Variants in EIF3B observed in about 807,000 individuals in gnomAD.
EIF3B encodes eukaryotic translation initiation factor 3 subunit B.
Under a neutral mutation model 104.6 loss-of-function variants are expected in EIF3B, and 10 were observed. The ratio of observed to expected loss-of-function variants is 0.10; its 90% CI spans 0.06 to 0.16. The LOEUF is 0.16. EIF3B is among the 10% of genes least tolerant of loss of function. The probability of loss-of-function intolerance (pLI) is 1.00; values close to 1 mark genes in which losing one functional copy is unlikely to be tolerated. For missense variants in EIF3B, 1,014 were observed against 1,087.9 expected, an observed-to-expected ratio of 0.93 and a Z score of 0.96; for synonymous variants, 542 against 417.2, an observed-to-expected ratio of 1.30 and a Z score of -3.65.
At chr7:2,377,500 T>A (rs59306423) in intron 15 of EIF3B, among the ~76,000 whole-genome samples, 4,373 of 121,208 alleles carry the variant, frequency 0.036, 95 homozygotes, top group Middle Eastern at 0.074. Flanking sequence ...GCTCCTGGGA[T>A]GCTGTGTTGT....
chr7:2,358,886 A>G (rs1779594442), intron 1 of EIF3B, among the ~76,000 whole-genome samples: 1 of 152,196 alleles, frequency 6.6e-6, no homozygotes, highest in Admixed American at 6.5e-5. Context: ...ATTTCATCAC[A>G]TCAAGAACAG....
chr7:2,369,467 T>G lies in EIF3B; in HGVS notation c.1404-5T>G. The G allele has an allele frequency of 6.2e-7, 1 of 1,614,134 alleles. No individual in the cohort carries two copies. Among genetic ancestry groups the G allele is most frequent in the Non-Finnish European group, 8.5e-7 (1 of 1,179,948 alleles). On this transcript the variant is annotated splice_region_variant and splice_polypyrimidine_tract_variant and intron_variant, in intron 9 of 18. Transcript: ENST00000360876. ...GCTTTAACATTTTATTTTCCTGTTC[T>G]GCAGAGACTTTTCTTGGTCTCCTGG...
intron 18 of EIF3B, 25 bp downstream of exon 18, chr7:2,379,536 G>A (rs772767659): frequency 5.5e-6 from 8 of 1,450,760 alleles, no homozygotes; most frequent in Non-Finnish European, 7.6e-6. Flanking sequence ...GGGGCGCGAT[G>A]GGGGTCCTGT....
chr7:2,377,194 C>T (rs1172200338), intron 15 of EIF3B, 119 bp downstream of exon 15: 22 of 1,336,384 alleles, frequency 1.6e-5, no homozygotes, highest in Non-Finnish European at 2.2e-5. Flanking sequence ...GTGACATTTG[C>T]AAGGATTCTT....
At chr7:2,358,409 T>C (rs896531574) in intron 1 of EIF3B, among the ~76,000 whole-genome samples, 2 of 151,822 alleles carry the variant, frequency 1.3e-5, no homozygotes, top group Non-Finnish European at 2.9e-5. Flanking sequence ...CGAAAGTGTT[T>C]TTTTGAGACG....
Position 2,380,539 on chromosome 7 carries a change from C to G in EIF3B, c.*350C>G, listed in dbSNP as rs1017012787. 4.9e-6 allele frequency: 2 copies of G among 408,236 alleles called. No homozygotes were observed. Among genetic ancestry groups the G allele is most frequent in the Admixed American group, 5.8e-5 (2 of 34,340 alleles). The allele number at this position is 408,236 out of a possible 1,614,324, so 25.3% of individuals were successfully genotyped here. A position where few individuals can be genotyped will look rare whatever the true frequency, so the allele number is the denominator to read the frequency against. ...GCGACGCCACTGGCGGCACCTTCTC[C>G]TGCGCCCAGTGATGTTTCCACGGTG... On this transcript the variant is annotated 3_prime_UTR_variant, in exon 19 of 19. Transcript: ENST00000360876.
upstream of EIF3B, among the ~76,000 whole-genome samples, chr7:2,354,522 A>C (rs1422507097): frequency 1.3e-5 from 2 of 152,144 alleles, no homozygotes; most frequent in Admixed American, 6.5e-5. Flanking sequence ...CCCCGCCTTC[A>C]GCTCCACAAA....
chr7:2,361,544 C>A (rs1407519951), intron 2 of EIF3B, among the ~76,000 whole-genome samples: 2 of 151,980 alleles, frequency 1.3e-5, no homozygotes, highest in Non-Finnish European at 2.9e-5. Context: ...CTCAGCCTCC[C>A]TAGTAGCTGG....
At chr7:2,361,756 A>C (rs771614225) in intron 2 of EIF3B, among the ~76,000 whole-genome samples, 1 of 151,606 alleles carries the variant, frequency 6.6e-6, no homozygotes, top group African/African-American at 2.4e-5. Flanking sequence ...GTAATACACA[A>C]TATTAGACTA....
Position 2,374,612 on chromosome 7 carries a change from T to A in EIF3B, c.1889+6T>A. 6.2e-7 allele frequency: 1 copy of A among 1,613,650 alleles called. No individual in the cohort carries two copies. Among genetic ancestry groups the A allele is most frequent in the South Asian group, 1.1e-5 (1 of 91,066 alleles). Reference sequence around the variant, plus strand: ...GTGTTGGCGGGCCTGAGGAGGTAGGTGTCTGCGCTCTGAGCCTGTCCGCCC... The same window carrying A: ...GTGTTGGCGGGCCTGAGGAGGTAGGAGTCTGCGCTCTGAGCCTGTCCGCCC... On this transcript the variant is annotated splice_donor_region_variant and intron_variant, in intron 13 of 18. Transcript: ENST00000360876.
At chr7:2,361,470 A>G (rs920946104) in intron 2 of EIF3B, among the ~76,000 whole-genome samples, 38 of 151,954 alleles carry the variant, frequency 2.5e-4, no homozygotes, top group Non-Finnish European at 4.3e-4. Flanking sequence ...CCCAGGCTGG[A>G]GTGCAGTGTC....
At chr7:2,358,401 A>G (rs1324168129) in intron 1 of EIF3B, among the ~76,000 whole-genome samples, 2 of 151,856 alleles carry the variant, frequency 1.3e-5, no homozygotes, top group Admixed American at 6.6e-5. Flanking sequence ...AATATTTCCG[A>G]AAGTGTTTTT....
In EIF3B at chr7:2,355,066, G is replaced by A; in HGVS notation, c.145G>A (p.Glu49Lys). Reference sequence around the variant, plus strand: ...CGGCGCTCCGGAGGCCGCGGGGACCGAGGCCTCCAGTGAGGAGGTGGGGAT... The same window carrying A: ...CGGCGCTCCGGAGGCCGCGGGGACCAAGGCCTCCAGTGAGGAGGTGGGGAT... ...GPGAPEAAGT[E>K]ASSEEVGIAE... The change falls in exon 1 of 19, where the codon GAG becomes AAG. Residue 49 changes from glutamate to lysine, a missense_variant. By Grantham distance (56) the Glu-to-Lys change is moderately conservative (BLOSUM62 1). Around this residue, in one of 4 missense-constraint regions of EIF3B, gnomAD observed 488 missense variants for 404.3 expected, o/e 1.21. Coordinates refer to ENST00000360876, the MANE Select transcript of EIF3B (RefSeq NM_001037283.2). The A allele has an allele frequency of 6.4e-6, 8 of 1,245,504 alleles. No individual in the cohort carries two copies. The highest frequency in any genetic ancestry group is 7.0e-6 in the Non-Finnish European group (7 of 995,164). The allele number at this position is 1,245,504 out of a possible 1,614,324, so 77.2% of individuals were successfully genotyped here.
chr7:2,378,719 A>C lies in EIF3B; in HGVS notation c.2185A>C (p.Lys729Gln), dbSNP rs1241997159. Residue 729 changes from lysine to glutamine, a missense_variant, in exon 16 of 19, where the codon AAG (lysine) becomes CAG (glutamine). Physicochemically the swap from Lys to Gln is moderately conservative, Grantham distance 53 (BLOSUM62 1). Coordinates refer to ENST00000360876, the MANE Select transcript of EIF3B (RefSeq NM_001037283.2). ...QIKKDLKKYSKIFEQKDRLSQ... is the reference protein window; with the variant it reads ...QIKKDLKKYSQIFEQKDRLSQ... Reference sequence around the variant, plus strand: ...TAAAAAGGATCTGAAGAAATACTCTAAGATCTTTGAACAGAAGGATCGTTT... The same window carrying C: ...TAAAAAGGATCTGAAGAAATACTCTCAGATCTTTGAACAGAAGGATCGTTT... 1.2e-6 allele frequency: 2 copies of C among 1,614,050 alleles called. No homozygotes were observed. Among genetic ancestry groups the C allele is most frequent in the Non-Finnish European group, 1.7e-6 (2 of 1,179,934 alleles).
chr7:2,376,762 G>C (rs557073394), intron 14 of EIF3B, 188 bp from the exon 15 acceptor site: 2 of 729,160 alleles, frequency 2.7e-6, no homozygotes, highest in Non-Finnish European at 4.3e-6. Flanking sequence ...CCCGCACTCC[G>C]GGTCGGTTGC....
chr7:2,366,049 C>T (rs1780009128), intron 6 of EIF3B, among the ~76,000 whole-genome samples: 1 of 152,178 alleles, frequency 6.6e-6, no homozygotes, highest in African/African-American at 2.4e-5. Flanking sequence ...CACTGCGCCA[C>T]CCTCTGGATC....
intron 1 of EIF3B, 22 bp downstream of exon 1, chr7:2,355,442 C>T (rs747228148): frequency 2.5e-5 from 36 of 1,423,910 alleles, no homozygotes; most frequent in East Asian, 2.0e-4. Flanking sequence ...CGGGGCGGGG[C>T]TGGCGAGCGG....
At chr7:2,373,116 G>A (rs375102835) in intron 12 of EIF3B, 82 of 203,196 alleles carry the variant, frequency 4.0e-4, no homozygotes, top group African/African-American at 1.7e-3. Flanking sequence ...GTCACTTCCT[G>A]TGGACATACT....
chr7:2,375,161 T>C, intron 13 of EIF3B: 1 of 535,612 alleles, frequency 1.9e-6, no homozygotes, highest in Non-Finnish European at 3.3e-6. Context: ...TCAGATAACA[T>C]TTCCAGTAAA....
Sources: allele counts gnomAD v4.1 joint callset (sites outside exome capture counted in the v4.1 genomes callset), GRCh38; gene constraint gnomAD v4.1.1; regional missense constraint gnomAD v4.1.1; transcripts MANE v1.5; gene names NCBI Gene and HGNC (gene_info 2026-07-23, HGNC 2026-07-21).